OTOGL: variants seen among roughly 807,000 people sequenced by gnomAD.
The protein encoded by OTOGL is otogelin-like protein.
A neutral mutation model predicts 318.5 loss-of-function variants in OTOGL; 285 were observed. The observed-to-expected ratio is 0.89, with a 90% CI of 0.81 to 0.99. OTOGL has a LOEUF of 0.99. Ranked by LOEUF, OTOGL falls within the 50% of genes least tolerant of loss-of-function variation. OTOGL has a pLI of 0.00. For missense variants in OTOGL, 2,899 were observed against 2,845.6 expected (o/e 1.02, Z -0.43); for synonymous variants, 987 against 936.5 (o/e 1.05, Z -0.99).
chr12:80,171,686 T>C (rs73356962), intron 1 of OTOGL, among the ~76,000 whole-genome samples: 3,063 of 152,302 alleles, frequency 0.02, 118 homozygotes, highest in African/African-American at 0.069. Context: ...CTTGTTTATA[T>C]CTACCAAACT....
chr12:80,264,125 T>G (rs1191471809), intron 19 of OTOGL, among the ~76,000 whole-genome samples: 1 of 152,092 alleles, frequency 6.6e-6, no homozygotes, highest in Non-Finnish European at 1.5e-5. Flanking sequence ...TAAAAGACAA[T>G]GACAATGAAA....
chr12:80,212,382 A>G (rs766607112), intron 4 of OTOGL, among the ~76,000 whole-genome samples: 23 of 152,168 alleles, frequency 1.5e-4, no homozygotes, highest in Non-Finnish European at 2.9e-4. Flanking sequence ...TGTAAATAAT[A>G]TGAGTTAAAT....
intron 1 of OTOGL, among the ~76,000 whole-genome samples, chr12:80,173,992 G>A (rs1417624849): frequency 6.6e-6 from 1 of 152,162 alleles, no homozygotes; most frequent in Non-Finnish European, 1.5e-5. Context: ...CATTGAGAAA[G>A]CTCATCCTGT....
chr12:80,185,725 A>G (rs1875243643), intron 1 of OTOGL, among the ~76,000 whole-genome samples: 1 of 152,256 alleles, frequency 6.6e-6, no homozygotes, highest in African/African-American at 2.4e-5. Flanking sequence ...TTTACTGCCT[A>G]GCATATTAGT....
chr12:80,135,396 C>T (rs1367337271), intron 1 of OTOGL, among the ~76,000 whole-genome samples: 2 of 151,648 alleles, frequency 1.3e-5, no homozygotes, highest in African/African-American at 4.8e-5. Context: ...CCTCAGCCTC[C>T]TGAGTAGCTG....
At chr12:80,129,089 A>T (rs1374947285) in intron 1 of OTOGL, among the ~76,000 whole-genome samples, 1 of 152,100 alleles carries the variant, frequency 6.6e-6, no homozygotes, top group Non-Finnish European at 1.5e-5. Context: ...TGAACCCAGT[A>T]CCTCACTTGG....
Position 80,256,018 on chromosome 12 carries a change from A to G in OTOGL, c.1588-319A>G, listed in dbSNP as rs149431012. ...TTTATATGCCATGGAAAACATAACTATTGGTACTTTACTGAAAGACTTTAA... is the reference window on the plus strand; with the variant it reads ...TTTATATGCCATGGAAAACATAACTGTTGGTACTTTACTGAAAGACTTTAA... On this transcript the variant is annotated intron_variant, in intron 16 of 58. Transcript: ENST00000547103. 5.1e-4 allele frequency among the ~76,000 whole-genome samples: 78 copies of G among 152,098 alleles called. 1 individual carries two copies. The highest frequency in any genetic ancestry group is 1.9e-3 in the African/African-American group (78 of 41,554).
At chr12:80,147,881 TGC>T (rs1287652534) in intron 1 of OTOGL, among the ~76,000 whole-genome samples, 7 of 152,168 alleles carry the variant, frequency 4.6e-5, no homozygotes, top group Non-Finnish European at 7.3e-5. Flanking sequence ...TTGCAACCCC[TGC>T]CTTTTTTTGT....
intron 1 of OTOGL, chr12:80,103,201 G>T (rs953941348): frequency 2.3e-5 from 32 of 1,406,302 alleles, no homozygotes; most frequent in Non-Finnish European, 3.0e-5. Flanking sequence ...GGCATGGATC[G>T]CTCGTTGTAC....
intron 23 of OTOGL, 93 bp downstream of exon 23, chr12:80,270,247 A>G: frequency 9.8e-7 from 1 of 1,022,878 alleles, no homozygotes; most frequent in South Asian, 1.4e-5. Context: ...CTTCTTCCCA[A>G]TGTGCATGGC....
intron 1 of OTOGL, among the ~76,000 whole-genome samples, chr12:80,112,348 T>C (rs533091201): frequency 1.3e-5 from 2 of 152,320 alleles, no homozygotes; most frequent in African/African-American, 4.8e-5. Context: ...GCTTCCAGCT[T>C]TTGCCCATTC....
At chr12:80,294,642 T>C (rs1310644691) in intron 26 of OTOGL, among the ~76,000 whole-genome samples, 1 of 152,194 alleles carries the variant, frequency 6.6e-6, no homozygotes, top group Non-Finnish European at 1.5e-5. Context: ...TATTAATTAC[T>C]CCATCTATAC....
At chr12:80,163,896 T>C (rs758331063) in intron 1 of OTOGL, among the ~76,000 whole-genome samples, 8 of 152,166 alleles carry the variant, frequency 5.3e-5, no homozygotes, top group Admixed American at 3.9e-4. Context: ...GAGAAGGATA[T>C]ACTCTCATTC....
chr12:80,370,283 A>G (rs1291989329), intron 55 of OTOGL, among the ~76,000 whole-genome samples: 2 of 151,990 alleles, frequency 1.3e-5, no homozygotes, highest in Non-Finnish European at 2.9e-5. Context: ...TTCACTCTCT[A>G]TTGTTTTATT....
intron 1 of OTOGL, among the ~76,000 whole-genome samples, chr12:80,187,680 C>G (rs1388902988): frequency 6.6e-6 from 1 of 152,128 alleles, no homozygotes; most frequent in Non-Finnish European, 1.5e-5. Context: ...AGCTTTATCT[C>G]AAGTGTCAAT....
At chr12:80,334,879 G>A (rs1368871097) in intron 38 of OTOGL, among the ~76,000 whole-genome samples, 2 of 151,946 alleles carry the variant, frequency 1.3e-5, no homozygotes, top group Non-Finnish European at 2.9e-5. Context: ...TCATTTTTCT[G>A]GCTAAATGAA....
At chr12:80,276,054 A>G (rs1883783074) in intron 24 of OTOGL, among the ~76,000 whole-genome samples, 1 of 151,812 alleles carries the variant, frequency 6.6e-6, no homozygotes, top group Non-Finnish European at 1.5e-5. Flanking sequence ...CCTATAATTT[A>G]CAGTGATTTA....
chr12:80,356,553 GTTCATTGTTCA>G, intron 48 of OTOGL, 33 bp downstream of exon 48: 14 of 1,440,374 alleles, frequency 9.7e-6, no homozygotes, highest in Non-Finnish European at 1.3e-5. Context: ...TAAGAGTGAG[GTTCATTGTTCA>G]TTCAGAACAG....
intron 1 of OTOGL, among the ~76,000 whole-genome samples, chr12:80,171,010 C>A (rs1343128461): frequency 1.3e-5 from 2 of 152,106 alleles, no homozygotes; most frequent in Non-Finnish European, 2.9e-5. Flanking sequence ...TCACATCTTA[C>A]ATTTAGGTCT....
Sources: gnomAD v4.1 joint callset for allele counts (sites outside exome capture counted in the v4.1 genomes callset) on GRCh38, gnomAD v4.1.1 for gene constraint, MANE v1.5 for transcripts, NCBI Gene and HGNC (gene_info 2026-07-23, HGNC 2026-07-21) for gene names.